Variants in SLC22A5 observed in about 807,000 individuals in gnomAD.
SLC22A5 encodes organic cation/carnitine transporter 2.
Under a neutral mutation model 56.7 loss-of-function variants are expected in SLC22A5, and 44 were observed. That is an observed-to-expected ratio of 0.78 (90% confidence interval 0.61 to 1.00). The LOEUF (loss-of-function observed/expected upper bound fraction) is 1.00. SLC22A5 is among the 50% of genes least tolerant of loss of function. The pLI is 0.00. For missense variants in SLC22A5, 675 were observed against 723.0 expected (o/e 0.93, Z 0.76); for synonymous variants, 278 against 292.1 (o/e 0.95, Z 0.49).
rs139508856 is a variant in SLC22A5, at chr5:132,390,717, G to T, written c.1080G>T (p.Gly360=). 6.2e-7 allele frequency: 1 copy of T among 1,614,036 alleles called. No individual in the cohort carries two copies. The highest frequency in any genetic ancestry group is 1.3e-5 in the African/African-American group (1 of 74,936). ...TGACCATATCAGTGGGCTATTTTGGGCTTTCGCTTGATACTCCTAACTTGC... is the reference window on the plus strand; with the variant it reads ...TGACCATATCAGTGGGCTATTTTGGTCTTTCGCTTGATACTCCTAACTTGC... The part of the protein sequence containing the change: ...LWMTISVGYF[G]LSLDTPNLHG... The change falls in exon 7 of 10, where the codon GGG becomes GGT. Residue 360 remains glycine (G), a synonymous_variant. Coordinates refer to ENST00000245407, the MANE Select transcript of SLC22A5 (RefSeq NM_003060.4).
chr5:132,386,223 TTTTC>T (rs1037269582), intron 4 of SLC22A5, among the ~76,000 whole-genome samples: 5 of 79,142 alleles, frequency 6.3e-5, no homozygotes, highest in Admixed American at 3.8e-4. Context: ...TTTCTTTTTC[TTTTC>T]TTTTTTTTTC....
chr5:132,389,301 T>C, intron 6 of SLC22A5: 1 of 406,296 alleles, frequency 2.5e-6, no homozygotes, highest in Non-Finnish European at 4.7e-6. Context: ...CTTGCCCAAT[T>C]TGGGTCATTT....
chr5:132,370,965 T>TTTTTTTTTTTTTTA (rs35883519), intron 1 of SLC22A5, among the ~76,000 whole-genome samples: 1 of 151,082 alleles, frequency 6.6e-6, no homozygotes, highest in African/African-American at 2.4e-5. Flanking sequence ...TTTTTTTTTT[T>TTTTTTTTTTTTTTA]GAGACAGAGT....
At chr5:132,371,791 G>A (rs556446576) in intron 1 of SLC22A5, among the ~76,000 whole-genome samples, 4 of 152,168 alleles carry the variant, frequency 2.6e-5, no homozygotes, top group East Asian at 3.9e-4. Flanking sequence ...AGAGGGGAGA[G>A]TTCATAGAGA....
intron 6 of SLC22A5, chr5:132,389,835 A>G (rs1752643478): frequency 6.5e-6 from 1 of 154,142 alleles, no homozygotes. Flanking sequence ...TGGCCTCAAG[A>G]CAGGAGCAGC....
At position 132,370,291 on chromosome 5, in the gene SLC22A5, CAGCT is replaced by C. The variant is rs1446010459; in HGVS notation, c.320_323del (p.Gln107ArgfsTer22). The C allele has an allele frequency of 6.2e-7, 1 of 1,607,988 alleles. No homozygotes were observed. The highest frequency in any genetic ancestry group is 8.5e-7 in the Non-Finnish European group (1 of 1,177,860). On this transcript the variant is annotated frameshift_variant, in exon 1 of 10. Transcript: ENST00000245407. LOFTEE classifies it high-confidence loss of function. ...GCCGGGGCGCGACGTGGACCTGGGG[CAGCT>C]GGAGCAGGAGAGCTGTCTGGATGGC...
At chr5:132,384,385 T>C in intron 3 of SLC22A5, 84 bp downstream of exon 3, 1 of 1,367,770 alleles carries the variant, frequency 7.3e-7, no homozygotes, top group East Asian at 2.3e-5. Flanking sequence ...ACAACTGTGA[T>C]GTCCCTCAAG....
At chr5:132,387,673 C>A in intron 5 of SLC22A5, 1 of 198,486 alleles carries the variant, frequency 5.0e-6, no homozygotes, top group South Asian at 7.5e-5. Flanking sequence ...TTAATTATTG[C>A]ATATCATCTT....
At chr5:132,378,624 A>G in intron 2 of SLC22A5, 143 bp downstream of exon 2, 5 of 710,510 alleles carry the variant, frequency 7.0e-6, no homozygotes. Flanking sequence ...TGTGATATAG[A>G]CTCCATGCCT....
intron 1 of SLC22A5, chr5:132,378,127 C>T: frequency 1.3e-6 from 2 of 1,554,494 alleles, no homozygotes; most frequent in Non-Finnish European, 1.7e-6. Context: ...GGACAGAACA[C>T]TTACTCTCTG....
chr5:132,387,095 A>G lies in SLC22A5; in HGVS notation c.895A>G (p.Lys299Glu). 6.2e-7 allele frequency: 1 copy of G among 1,614,150 alleles called. No homozygotes were observed. Among genetic ancestry groups the G allele is most frequent in the Non-Finnish European group, 8.5e-7 (1 of 1,180,024 alleles). The stretch of plus-strand genomic sequence containing the variant: ...TGAAGAGGCAGAGGTGATCATCCGC[A>G]AGGCTGCCAAAGCCAATGGGATTGT... ...RFEEAEVIIR[K>E]AAKANGIVVP... Residue 299 changes from lysine (K) to glutamate (E), a missense_variant, in exon 5 of 10, where the codon AAG becomes GAG. By Grantham distance (56) the Lys-to-Glu change is moderately conservative. Coordinates refer to ENST00000245407, the MANE Select transcript of SLC22A5 (RefSeq NM_003060.4).
Position 132,390,707 on chromosome 5 carries a change from G to T in SLC22A5, c.1070G>T (p.Gly357Val). 6.2e-7 allele frequency: 1 copy of T among 1,613,758 alleles called. No homozygotes were observed. Among genetic ancestry groups the T allele is most frequent in the Non-Finnish European group, 8.5e-7 (1 of 1,179,636 alleles). Residue 357 changes from glycine to valine, a missense_variant, in exon 7 of 10, where the codon GGC (glycine) becomes GTC (valine). Coordinates refer to ENST00000245407, the MANE Select transcript of SLC22A5 (RefSeq NM_003060.4). The part of the protein sequence containing the change: ...SIMLWMTISV[G>V]YFGLSLDTPN... ...TGTTTCAGGATGACCATATCAGTGG[G>T]CTATTTTGGGCTTTCGCTTGATACT...
At position 132,392,599 on chromosome 5, in the gene SLC22A5, C is replaced by T. The variant is rs140495935; in HGVS notation, c.1434C>T (p.Pro478=). The T allele has an allele frequency of 3.4e-4, 547 of 1,614,096 alleles. 3 individuals are homozygous for T. In the African/African-American group the frequency reaches 6.4e-3, roughly 19 times the overall value. The part of the protein sequence containing the change: ...TASRLGSILS[P]YFVYLGAYDR... ...CCCGCCTGGGCAGCATCCTGTCTCC[C>T]TACTTCGTTTACCTTGGTAAGTCCC... The change falls in exon 8 of 10, where the codon CCC becomes CCT. Residue 478 remains proline (P), a synonymous_variant. Coordinates refer to ENST00000245407, the MANE Select transcript of SLC22A5 (RefSeq NM_003060.4).
Position 132,370,101 on chromosome 5 carries a change from A to G in SLC22A5, c.129A>G (p.Ile43Met), listed in dbSNP as rs2126764975. 1 of 1,612,284 alleles carries G rather than the reference A, an allele frequency of 6.2e-7. No homozygotes were observed. Among genetic ancestry groups the G allele is most frequent in the Admixed American group, 1.7e-5 (1 of 59,916 alleles). ...CCGGCCTGTCCTCCGTGTTCCTGAT[A>G]GCGACCCCGGAGCACCGCTGCCGGG... Reference protein sequence around the residue: ...GFTGLSSVFLIATPEHRCRVP... With the variant: ...GFTGLSSVFLMATPEHRCRVP... Residue 43 changes from isoleucine to methionine, a missense_variant, in exon 1 of 10, where the codon ATA (isoleucine) becomes ATG (methionine). Coordinates refer to ENST00000245407, the MANE Select transcript of SLC22A5 (RefSeq NM_003060.4).
chr5:132,394,125 G>T, intron 9 of SLC22A5, 60 bp from the exon 10 acceptor site: 2 of 1,089,724 alleles, frequency 1.8e-6, no homozygotes, highest in South Asian at 1.2e-5. Context: ...TTGTTTGTTT[G>T]GAGACTGGGA....
intron 1 of SLC22A5, among the ~76,000 whole-genome samples, chr5:132,371,069 T>C (rs1352270951): frequency 6.6e-6 from 1 of 150,898 alleles, no homozygotes; most frequent in East Asian, 2.0e-4. Context: ...AATCTTCGCC[T>C]TCCGGGCTCA....
chr5:132,387,201 A>G, intron 5 of SLC22A5, 50 bp downstream of exon 5: 1 of 1,611,626 alleles, frequency 6.2e-7, no homozygotes. Context: ...CCGTGATTTG[A>G]GAGCAGCAGC....
chr5:132,375,151 T>G (rs1425969485), intron 1 of SLC22A5, among the ~76,000 whole-genome samples: 1 of 152,230 alleles, frequency 6.6e-6, no homozygotes, highest in Non-Finnish European at 1.5e-5. Flanking sequence ...TACCAAGATG[T>G]TGAAGGTTGA....
chr5:132,379,092 C>CT (rs1752254119), intron 2 of SLC22A5: 1 of 159,140 alleles, frequency 6.3e-6, no homozygotes. Context: ...AATTCTAAAG[C>CT]TTTTAACTCA....
Sources: gnomAD v4.1 joint callset for allele counts (sites outside exome capture counted in the v4.1 genomes callset) on GRCh38, gnomAD v4.1.1 for gene constraint, MANE v1.5 for transcripts, NCBI Gene and HGNC (gene_info 2026-07-23, HGNC 2026-07-21) for gene names.